The following WDR44 variants were observed in gnomAD, a reference collection of about 807,000 sequenced individuals.
WDR44 encodes WD repeat-containing protein 44.
WDR44 carries 9 observed loss-of-function variants against 65.7 expected under a neutral mutation model. The ratio of observed to expected loss-of-function variants is 0.14; its 90% CI spans 0.08 to 0.24. The LOEUF (loss-of-function observed/expected upper bound fraction) is 0.24, where lower values mean the gene tolerates loss of function less well. Ranked by LOEUF, WDR44 falls within the 10% of genes least tolerant of loss-of-function variation. The probability of loss-of-function intolerance (pLI) is 1.00; values close to 1 mark genes in which losing one functional copy is unlikely to be tolerated. For synonymous variants in WDR44, 220 were observed against 235.2 expected (o/e 0.94, Z 0.59); for missense variants, 425 against 670.9 (o/e 0.63, Z 4.05).
At chrX:118,431,132 C>G (rs1054516649) in intron 12 of WDR44, among the ~76,000 whole-genome samples, 5 of 111,515 alleles carry the variant, frequency 4.5e-5, no homozygotes, top group African/African-American at 1.6e-4. Flanking sequence ...GACTGCTTTT[C>G]CTGCCTCCAT....
chrX:118,347,866 T>C (rs1287036514), intron 1 of WDR44, among the ~76,000 whole-genome samples: 3 of 112,468 alleles, frequency 2.7e-5, no homozygotes. Context: ...ACACCGAATC[T>C]CCTTCAAGTT....
intron 1 of WDR44, among the ~76,000 whole-genome samples, chrX:118,369,327 A>G (rs2056586852): frequency 9.6e-6 from 1 of 103,936 alleles, no homozygotes; most frequent in African/African-American, 3.6e-5. Context: ...ACCCGCCACC[A>G]TGCCCGGCTA....
rs774674650 is a variant in WDR44 at position 118,424,264 on chromosome X, C to A, written c.1738-8517C>A. Among the ~76,000 whole-genome samples the A allele has an allele frequency of 1.0e-2, 589 of 59,109 alleles. 7 individuals are homozygous for A. The highest frequency in any genetic ancestry group is 0.068 in the African/African-American group (568 of 8,339). The allele number at this position is 59,109 out of a possible 115,157, so 51.3% of individuals were successfully genotyped here. On this transcript the variant is annotated intron_variant, in intron 12 of 19. Transcript: ENST00000254029. ...CCACATCTTCACTAATACTTGTTATCTTATATATATATATATATGTGTGTG... is the reference window on the plus strand; with the variant it reads ...CCACATCTTCACTAATACTTGTTATATTATATATATATATATATGTGTGTG...
At chrX:118,381,156 A>C (rs1162550641) in intron 2 of WDR44, among the ~76,000 whole-genome samples, 2 of 111,876 alleles carry the variant, frequency 1.8e-5, no homozygotes, top group East Asian at 5.6e-4. Flanking sequence ...ATTATGTGTC[A>C]ATTAAAAATT....
Position 118,439,914 on chromosome X carries a change from G to A in WDR44, c.1975-1454G>A, listed in dbSNP as rs187714657. Among the ~76,000 whole-genome samples, 615 of 109,032 alleles carry A rather than the reference G, an allele frequency of 5.6e-3. 3 individuals carry two copies. The highest frequency in any genetic ancestry group is 0.019 in the African/African-American group (581 of 29,855). 94.7% of individuals were successfully genotyped at this position (109,032 alleles called of 115,157 possible). On this transcript the variant is annotated intron_variant, in intron 14 of 19. Transcript: ENST00000254029. The stretch of plus-strand genomic sequence containing the variant: ...GCAGGAGGATCACTTGAGGCCAGGA[G>A]TTTGAGACTAGCCTGGGCAACATAG...
intron 1 of WDR44, among the ~76,000 whole-genome samples, chrX:118,372,152 T>C (rs192374574): frequency 9.0e-6 from 1 of 110,627 alleles, no homozygotes; most frequent in African/African-American, 3.3e-5. Flanking sequence ...TAAGGGAAAT[T>C]AGAGGATATA....
chrX:118,395,161 G>T, intron 5 of WDR44, 88 bp from the exon 6 acceptor site: 1 of 843,139 alleles, frequency 1.2e-6, no homozygotes, highest in Admixed American at 3.2e-5. Context: ...TCTGAATTAT[G>T]AAATTCTTTA....
At position 118,378,459 on chromosome X, in the gene WDR44, T is replaced by C. The variant is rs760135961; in HGVS notation, c.111+7T>C. 2 of 1,201,571 alleles carry C rather than the reference T, an allele frequency of 1.7e-6. No homozygotes were observed. Among genetic ancestry groups the C allele is most frequent in the Admixed American group, 4.4e-5 (2 of 45,433 alleles). On this transcript the variant is annotated splice_region_variant and intron_variant, in intron 2 of 19. Transcript: ENST00000254029. ...TGGGCTTTCAACATTCAAGGTAAGTTGTGCTTTCTGAAAGTTATGTTTTTA... is the reference window on the plus strand; with the variant it reads ...TGGGCTTTCAACATTCAAGGTAAGTCGTGCTTTCTGAAAGTTATGTTTTTA...
intron 2 of WDR44, among the ~76,000 whole-genome samples, chrX:118,378,921 G>C (rs1158105767): frequency 4.6e-5 from 5 of 107,977 alleles, no homozygotes; most frequent in African/African-American, 1.7e-4. Flanking sequence ...GCGCAGACCT[G>C]TATTCCCAGC....
At chrX:118,434,861 TG>T (rs2057241139) in intron 13 of WDR44, among the ~76,000 whole-genome samples, 1 of 112,141 alleles carries the variant, frequency 8.9e-6, no homozygotes, top group South Asian at 3.7e-4. Context: ...TTCTATTTGT[TG>T]AAGGTGTATT....
chrX:118,380,894 T>C (rs1367872376), intron 2 of WDR44, among the ~76,000 whole-genome samples: 1 of 111,536 alleles, frequency 9.0e-6, no homozygotes, highest in Non-Finnish European at 1.9e-5. Flanking sequence ...GAGGTTTGCA[T>C]AGGTAGATAG....
chrX:118,368,712 CTT>C (rs57659623), intron 1 of WDR44, among the ~76,000 whole-genome samples: 209 of 70,805 alleles, frequency 3.0e-3, no homozygotes, highest in African/African-American at 0.014. Context: ...CATACTCTTC[CTT>C]TTTTTTTTTT....
intron 2 of WDR44, among the ~76,000 whole-genome samples, chrX:118,383,487 A>C (rs1173667514): frequency 9.0e-6 from 1 of 111,448 alleles, no homozygotes; most frequent in Non-Finnish European, 1.9e-5. Context: ...AATTTTATGT[A>C]GCTTAATTTA....
intron 5 of WDR44, 106 bp downstream of exon 5, chrX:118,394,291 C>T: frequency 9.4e-7 from 1 of 1,068,780 alleles, no homozygotes; most frequent in Non-Finnish European, 1.3e-6. Context: ...TTTCTTTGTC[C>T]TCCAAACCTG....
chrX:118,375,222 G>A (rs2056647192), intron 1 of WDR44, among the ~76,000 whole-genome samples: 2 of 110,637 alleles, frequency 1.8e-5, no homozygotes, highest in South Asian at 7.5e-4. Flanking sequence ...TAAAAAACCT[G>A]TTCAGATATC....
intron 12 of WDR44, among the ~76,000 whole-genome samples, chrX:118,414,251 C>T (rs865800157): frequency 4.0e-5 from 3 of 74,608 alleles, no homozygotes; most frequent in East Asian, 4.7e-4. Context: ...GTTGAACTTG[C>T]GATTGCTTTT....
chrX:118,378,233 G>A (rs760251869), intron 1 of WDR44, among the ~76,000 whole-genome samples, 186 bp from the exon 2 acceptor site: 155 of 112,392 alleles, frequency 1.4e-3, no homozygotes, highest in Non-Finnish European at 2.3e-3. Flanking sequence ...GATTACAGGC[G>A]TGAGCCACTG....
intron 14 of WDR44, among the ~76,000 whole-genome samples, chrX:118,440,861 A>G (rs1416008603): frequency 2.7e-5 from 3 of 110,973 alleles, no homozygotes; most frequent in Non-Finnish European, 5.7e-5. Context: ...TATTTCTCCA[A>G]AGTGAATAGT....
intron 12 of WDR44, among the ~76,000 whole-genome samples, chrX:118,414,593 C>T (rs769576061): frequency 9.0e-6 from 1 of 111,399 alleles, no homozygotes; most frequent in East Asian, 2.8e-4. Context: ...AGATGTCTTT[C>T]GCCTCTTTGG....
Sources: gnomAD v4.1 joint callset for allele counts (sites outside exome capture counted in the v4.1 genomes callset) on GRCh38, gnomAD v4.1.1 for gene constraint, MANE v1.5 for transcripts, NCBI Gene and HGNC (gene_info 2026-07-23, HGNC 2026-07-21) for gene names.